Variants in PDE1C observed in about 807,000 individuals in gnomAD.
The protein encoded by PDE1C is dual specificity calcium/calmodulin-dependent 3',5'-cyclic nucleotide phosphodiesterase 1C.
Under a neutral mutation model 93.1 loss-of-function variants are expected in PDE1C, and 62 were observed. That is an observed-to-expected ratio of 0.67 (90% confidence interval 0.54 to 0.82). The LOEUF (loss-of-function observed/expected upper bound fraction) is 0.82. Ranked by LOEUF, PDE1C falls within the 40% of genes least tolerant of loss-of-function variation. The probability of loss-of-function intolerance (pLI) is 0.00; values close to 1 mark genes in which losing one functional copy is unlikely to be tolerated. For synonymous variants in PDE1C, 325 were observed against 310.1 expected, an observed-to-expected ratio of 1.05 and a Z score of -0.50; for missense variants, 742 against 884.6, an observed-to-expected ratio of 0.84 and a Z score of 2.04.
At chr7:31,795,528 AAG>A (rs745641421) in intron 16 of PDE1C, among the ~76,000 whole-genome samples, 17 of 151,942 alleles carry the variant, frequency 1.1e-4, no homozygotes, top group Non-Finnish European at 1.9e-4. Flanking sequence ...TAGTTCCACA[AAG>A]TATCTAGAAG....
At chr7:31,623,635 C>T in the PDE1C span, among the ~76,000 whole-genome samples, 1 of 134,640 alleles carries the variant, frequency 7.4e-6, no homozygotes, top group East Asian at 2.5e-4. Context: ...ATGACAAACC[C>T]ACAGCCAATA....
At chr7:32,138,625 C>A (rs1268384519) in intron 3 of PDE1C, among the ~76,000 whole-genome samples, 2 of 151,994 alleles carry the variant, frequency 1.3e-5, no homozygotes. Context: ...TCCCTGAATA[C>A]CCAAGAGTTG....
At chr7:31,940,966 C>T (rs116901503) in intron 2 of PDE1C, among the ~76,000 whole-genome samples, 1,605 of 152,036 alleles carry the variant, frequency 0.011, 15 homozygotes, top group Non-Finnish European at 0.019. Flanking sequence ...CACACCTCCA[C>T]ACACAAATAG....
intron 9 of PDE1C, among the ~76,000 whole-genome samples, chr7:31,844,733 C>T (rs1481303830): frequency 1.3e-5 from 2 of 151,736 alleles, no homozygotes; most frequent in African/African-American, 2.4e-5. Context: ...TTTTTCTTTC[C>T]CATTCTCTCT....
rs148441431 is a variant in PDE1C, at chr7:31,984,298, T to C, written c.128+67256A>G. On this transcript the variant is annotated intron_variant, in intron 2 of 17. Transcript: ENST00000396191. The stretch of plus-strand genomic sequence containing the variant: ...GAATTGTGCACATGAGGGATCTAGA[T>C]TGCACACTCCTTATGAGATTCTAAT... Among the ~76,000 whole-genome samples the C allele has an allele frequency of 4.6e-3, 706 of 152,196 alleles. 8 individuals carry two copies. Among genetic ancestry groups the C allele is most frequent in the African/African-American group, 0.016 (654 of 41,522 alleles).
At chr7:32,025,652 T>C (rs30562) in intron 2 of PDE1C, among the ~76,000 whole-genome samples, 81,676 of 151,992 alleles carry the variant, frequency 0.54, 23,974 homozygotes, top group Middle Eastern at 0.71. Context: ...AGGTTTGCCA[T>C]GGTCAGGATT....
chr7:32,006,347 T>C (rs774168486), intron 2 of PDE1C, among the ~76,000 whole-genome samples: 11 of 152,194 alleles, frequency 7.2e-5, no homozygotes, highest in Admixed American at 2.0e-4. Context: ...AAAAAAATTG[T>C]CTTATTTATC....
chr7:31,968,931 T>G (rs1418483621), intron 2 of PDE1C, among the ~76,000 whole-genome samples: 3 of 152,224 alleles, frequency 2.0e-5, no homozygotes, highest in Non-Finnish European at 4.4e-5. Flanking sequence ...CAGCCATATG[T>G]AGAAAGCTGA....
At chr7:31,697,813 G>A in the PDE1C span, among the ~76,000 whole-genome samples, 4 of 152,138 alleles carry the variant, frequency 2.6e-5, no homozygotes, top group South Asian at 2.1e-4. Flanking sequence ...CATGTCTCAT[G>A]GATTTTTATA....
chr7:31,699,597 C>T, the PDE1C span, among the ~76,000 whole-genome samples: 2 of 151,908 alleles, frequency 1.3e-5, no homozygotes, highest in Non-Finnish European at 2.9e-5. Context: ...AGGCCTACCT[C>T]ATTCCATTTC....
the PDE1C span, among the ~76,000 whole-genome samples, chr7:31,732,017 C>T: frequency 1.3e-5 from 2 of 152,182 alleles, no homozygotes; most frequent in African/African-American, 4.8e-5. Flanking sequence ...AGATGGATTG[C>T]TTCCCAGAGG....
chr7:32,262,943 A>T (rs1297849280), intron 1 of PDE1C, among the ~76,000 whole-genome samples: 3 of 152,218 alleles, frequency 2.0e-5, no homozygotes, highest in Non-Finnish European at 4.4e-5. Context: ...CATTTCATTC[A>T]AGACTCTACA....
At chr7:32,074,377 A>G (rs1046484617), upstream of PDE1C, among the ~76,000 whole-genome samples, 2 of 152,240 alleles carry the variant, frequency 1.3e-5, no homozygotes, top group Non-Finnish European at 2.9e-5. Flanking sequence ...TGGCAGGCAC[A>G]TCACAGGTTG....
At chr7:31,665,060 C>A in the PDE1C span, among the ~76,000 whole-genome samples, 2 of 152,154 alleles carry the variant, frequency 1.3e-5, no homozygotes, top group African/African-American at 4.8e-5. Context: ...GACCTAATTT[C>A]ATACCATTTC....
chr7:31,783,297 A>G (rs900695213), intron 16 of PDE1C, among the ~76,000 whole-genome samples: 1 of 152,090 alleles, frequency 6.6e-6, no homozygotes, highest in Non-Finnish European at 1.5e-5. Flanking sequence ...TTCATCCCTC[A>G]CAGTCAAAAA....
the PDE1C span, among the ~76,000 whole-genome samples, chr7:31,668,425 A>T: frequency 6.6e-6 from 1 of 152,150 alleles, no homozygotes. Flanking sequence ...TAACATCACA[A>T]ATTTTCATCA....
chr7:31,872,578 C>T (rs961830724), intron 6 of PDE1C, among the ~76,000 whole-genome samples: 23 of 152,096 alleles, frequency 1.5e-4, no homozygotes, highest in Non-Finnish European at 2.4e-4. Context: ...TAAAGAACCA[C>T]ATCTCCGGAG....
chr7:32,195,831 G>T (rs1410716562), intron 2 of PDE1C, among the ~76,000 whole-genome samples: 1 of 152,208 alleles, frequency 6.6e-6, no homozygotes, highest in East Asian at 1.9e-4. Context: ...AGAGGTAGAA[G>T]TTCAAGTTCC....
At chr7:32,153,021 T>C (rs1039951836) in intron 3 of PDE1C, among the ~76,000 whole-genome samples, 3 of 152,120 alleles carry the variant, frequency 2.0e-5, no homozygotes, top group Non-Finnish European at 4.4e-5. Context: ...TTGGAAAATA[T>C]TAAGAAAGGA....
Sources: gnomAD v4.1 joint callset for allele counts (sites outside exome capture counted in the v4.1 genomes callset) on GRCh38, gnomAD v4.1.1 for gene constraint, MANE v1.5 for transcripts, NCBI Gene and HGNC (gene_info 2026-07-23, HGNC 2026-07-21) for gene names.